The following PHF20 variants were observed in gnomAD, a reference collection of about 807,000 sequenced individuals.
PHF20 encodes PHD finger protein 20, also known as glioma-expressed antigen 2.
Under a neutral mutation model 113.5 loss-of-function variants are expected in PHF20, and 23 were observed. The observed-to-expected ratio is 0.20, with a 90% CI of 0.15 to 0.29. PHF20 has a LOEUF of 0.29. Among genes scored for constraint, PHF20 ranks in the 10% least tolerant of loss-of-function variants. The pLI, the probability that PHF20 is intolerant of heterozygous loss-of-function variation, is 1.00. For missense variants in PHF20, 943 were observed against 1,219.6 expected (o/e 0.77, Z 3.38); for synonymous variants, 434 against 457.3 (o/e 0.95, Z 0.65).
intron 9 of PHF20, among the ~76,000 whole-genome samples, chr20:35,886,662 C>G (rs1309810171): frequency 6.6e-6 from 1 of 152,124 alleles, no homozygotes; most frequent in East Asian, 1.9e-4. Context: ...TGACAAATAA[C>G]AGGATCCAGG....
chr20:35,832,101 A>G (rs6088943), intron 2 of PHF20, among the ~76,000 whole-genome samples: 5 of 151,980 alleles, frequency 3.3e-5, no homozygotes, highest in African/African-American at 9.7e-5. Context: ...CCTCTGTACT[A>G]TGCTGATTTA....
intron 10 of PHF20, among the ~76,000 whole-genome samples, chr20:35,901,656 G>A (rs1360744588): frequency 6.6e-6 from 1 of 152,134 alleles, no homozygotes; most frequent in African/African-American, 2.4e-5. Flanking sequence ...CCTGGTTGTT[G>A]TGGTCATTTC....
chr20:35,787,133 A>G (rs1051471927), intron 1 of PHF20, among the ~76,000 whole-genome samples: 2 of 151,014 alleles, frequency 1.3e-5, no homozygotes, highest in African/African-American at 4.9e-5. Flanking sequence ...CTAGGACGAC[A>G]GGTGTGTGTC....
At position 35,773,449 on chromosome 20, in the gene PHF20, T is replaced by TTTTCTCTGTGCTTCTGC. The variant is rs530301063; in HGVS notation, c.-33+1371_-33+1387dup. On this transcript the variant is annotated intron_variant, in intron 1 of 17. Transcript: ENST00000374012. ...TGCGTATCTTTGTTCAGCACGGCACTTTTCTCTGTGCTTCTGCGGGCTTTT... is the reference window on the plus strand; with the variant it reads ...TGCGTATCTTTGTTCAGCACGGCACTTTTCTCTGTGCTTCTGCTTTCTCTGTGCTTCTGCGGGCTTTT... Among the ~76,000 whole-genome samples the TTTTCTCTGTGCTTCTGC allele has an allele frequency of 3.8e-4, 58 of 152,292 alleles. 2 individuals are homozygous for TTTTCTCTGTGCTTCTGC. In the East Asian group the frequency reaches 0.011, roughly 29 times the overall value.
chr20:35,870,219 G>T (rs970866405), intron 7 of PHF20, among the ~76,000 whole-genome samples: 1 of 150,226 alleles, frequency 6.7e-6, no homozygotes, highest in Admixed American at 6.7e-5. Context: ...CAGAAGAATG[G>T]CATGAACCCG....
intron 1 of PHF20, among the ~76,000 whole-genome samples, chr20:35,778,794 T>C (rs1234962134): frequency 6.6e-6 from 1 of 151,750 alleles, no homozygotes. Flanking sequence ...TTTGTAATAA[T>C]GCTTTGACAA....
intron 1 of PHF20, among the ~76,000 whole-genome samples, chr20:35,800,581 G>C (rs1391827060): frequency 6.6e-6 from 1 of 152,090 alleles, no homozygotes; most frequent in African/African-American, 2.4e-5. Flanking sequence ...TACCAGCCTG[G>C]CCAACATGGT....
At position 35,843,564 on chromosome 20, in the gene PHF20, G is replaced by A. The variant is rs551784085; in HGVS notation, c.255+820G>A. On this transcript the variant is annotated intron_variant, in intron 3 of 17. Transcript: ENST00000374012. ...AAAAAGTGATCATTCCATGTAGAAC[G>A]TTGTACTAAGTCTCATATGCAAGGT... 6.7e-5 allele frequency among the ~76,000 whole-genome samples: 10 copies of A among 149,340 alleles called. No homozygotes were observed. In the East Asian group the frequency reaches 9.9e-4, roughly 15 times the overall value.
chr20:35,776,190 C>G (rs1336878174), intron 1 of PHF20, among the ~76,000 whole-genome samples: 2 of 152,182 alleles, frequency 1.3e-5, no homozygotes, highest in African/African-American at 2.4e-5. Flanking sequence ...ATAAATACTG[C>G]ATAGCCAGCT....
chr20:35,898,396 A>G (rs1165600838), intron 9 of PHF20, among the ~76,000 whole-genome samples: 2 of 152,144 alleles, frequency 1.3e-5, no homozygotes, highest in African/African-American at 2.4e-5. Context: ...GATCCAACTC[A>G]TAAGTGCTAG....
intron 10 of PHF20, among the ~76,000 whole-genome samples, chr20:35,909,141 G>T (rs1430689556): frequency 6.6e-6 from 1 of 152,068 alleles, no homozygotes; most frequent in Non-Finnish European, 1.5e-5. Flanking sequence ...TTACCATTAA[G>T]TATGAAGTTG....
At chr20:35,772,358 C>A (rs942424277) in intron 1 of PHF20, among the ~76,000 whole-genome samples, 5 of 150,560 alleles carry the variant, frequency 3.3e-5, no homozygotes, top group Non-Finnish European at 5.9e-5. Flanking sequence ...GGGGCTGGGC[C>A]GTGGGGTGCG....
chr20:35,814,824 GA>G (rs2042038395), intron 2 of PHF20, among the ~76,000 whole-genome samples: 1 of 135,024 alleles, frequency 7.4e-6, no homozygotes, highest in Non-Finnish European at 1.6e-5. Context: ...AATGAGCCGA[GA>G]TCCCGCCACT....
chr20:35,897,220 T>G (rs2055002348), intron 9 of PHF20, among the ~76,000 whole-genome samples: 1 of 151,970 alleles, frequency 6.6e-6, no homozygotes, highest in Non-Finnish European at 1.5e-5. Flanking sequence ...TTTTTTTTTT[T>G]GTAGAGATGG....
intron 9 of PHF20, among the ~76,000 whole-genome samples, chr20:35,894,437 A>T (rs1845743138): frequency 6.6e-6 from 1 of 152,158 alleles, no homozygotes; most frequent in Admixed American, 6.5e-5. Flanking sequence ...TGCACAGCTA[A>T]TTTATGCTGC....
At chr20:35,913,030 C>T (rs916598694) in intron 10 of PHF20, among the ~76,000 whole-genome samples, 14 of 152,180 alleles carry the variant, frequency 9.2e-5, no homozygotes, top group African/African-American at 3.4e-4. Flanking sequence ...GCATGTTTCA[C>T]TAAAATCCAT....
intron 8 of PHF20, 48 bp from the exon 9 acceptor site, chr20:35,871,602 G>C: frequency 6.7e-7 from 1 of 1,482,526 alleles, no homozygotes; most frequent in African/African-American, 1.4e-5. Context: ...TTTGATTTCA[G>C]AATTACATAC....
chr20:35,882,951 G>A (rs890062646), intron 9 of PHF20, among the ~76,000 whole-genome samples: 1 of 151,288 alleles, frequency 6.6e-6, no homozygotes, highest in East Asian at 1.9e-4. Flanking sequence ...TTGCTTGAGC[G>A]TGGGAGGCGG....
rs200315522 is a variant in PHF20, at chr20:35,938,996, C to T, written c.2600C>T (p.Ala867Val). Residue 867 changes from alanine (A) to valine (V), a missense_variant, in exon 16 of 18, where the codon GCG becomes GTG. Ala to Val is a moderately conservative substitution (Grantham distance 64, BLOSUM62 0). Around this residue, in one of 3 missense-constraint regions of PHF20, gnomAD observed 349 missense variants for 412.3 expected, o/e 0.85. Coordinates refer to ENST00000374012, the MANE Select transcript of PHF20 (RefSeq NM_016436.5). The stretch of plus-strand genomic sequence containing the variant: ...ACGAGGGGCTCTGCCCTCGACGATG[C>T]GGTCAACCCCCTCCATGAGAACGGC... Reference protein sequence around the residue: ...VETRGSALDDAVNPLHENGDD... With the variant: ...VETRGSALDDVVNPLHENGDD... The T allele has an allele frequency of 3.4e-5, 55 of 1,614,016 alleles. No homozygotes were observed. In the Middle Eastern group the frequency reaches 8.2e-4, roughly 24 times the overall value.
Sources: allele counts gnomAD v4.1 joint callset (sites outside exome capture counted in the v4.1 genomes callset), GRCh38; gene constraint gnomAD v4.1.1; regional missense constraint gnomAD v4.1.1; transcripts MANE v1.5; gene names NCBI Gene and HGNC (gene_info 2026-07-23, HGNC 2026-07-21).